Variants in FRRS1 observed in about 807,000 individuals in gnomAD.
FRRS1 encodes ferric reductase 1.
In FRRS1, 51 loss-of-function variants were observed where a neutral mutation model predicts 70.7. That is an observed-to-expected ratio of 0.72 (90% CI 0.58 to 0.91). The LOEUF (loss-of-function observed/expected upper bound fraction) is 0.91, where lower values mean the gene tolerates loss of function less well. Ranked by LOEUF, FRRS1 falls within the 40% of genes least tolerant of loss-of-function variation. The pLI is 0.00. For synonymous variants in FRRS1, 225 were observed against 238.7 expected, an observed-to-expected ratio of 0.94 and a Z score of 0.53; for missense variants, 672 against 726.0, an observed-to-expected ratio of 0.93 and a Z score of 0.86.
Position 99,706,669 on chromosome 1 carries a change from G to C in FRRS1, c.*2359C>G, listed in dbSNP as rs186418244. 1.1e-3 allele frequency among the ~76,000 whole-genome samples: 164 copies of C among 152,178 alleles called. 1 individual carries two copies. The highest frequency in any genetic ancestry group is 3.8e-3 in the African/African-American group (156 of 41,526). ...AGCACTTTGGGAGGCTGAGGCGGGT[G>C]GATTACTTTAGACCAGGAGTTTGGG... On this transcript the variant is annotated 3_prime_UTR_variant, in exon 17 of 17. Transcript: ENST00000646001.
intron 12 of FRRS1, among the ~76,000 whole-genome samples, chr1:99,714,384 A>G (rs1654418729): frequency 3.9e-5 from 6 of 152,088 alleles, no homozygotes; most frequent in Admixed American, 2.6e-4. Flanking sequence ...GGGTTTCACA[A>G]TATCAGTCAG....
At chr1:99,737,697 G>T (rs537789922) in intron 7 of FRRS1, among the ~76,000 whole-genome samples, 71 of 152,216 alleles carry the variant, frequency 4.7e-4, no homozygotes, top group African/African-American at 1.6e-3. Context: ...ATTTGACCCT[G>T]GAACAAACAG....
chr1:99,743,923 C>G (rs746221754), intron 4 of FRRS1, among the ~76,000 whole-genome samples: 2 of 152,010 alleles, frequency 1.3e-5, no homozygotes, highest in Non-Finnish European at 2.9e-5. Flanking sequence ...ACTAGTGATG[C>G]GGTAAGAGTT....
At chr1:99,725,063 C>G (rs765894288) in intron 9 of FRRS1, among the ~76,000 whole-genome samples, 1 of 152,152 alleles carries the variant, frequency 6.6e-6, no homozygotes, top group Non-Finnish European at 1.5e-5. Flanking sequence ...GATGAAACTG[C>G]TCCACCTTAG....
chr1:99,753,214 G>A (rs1266125699), intron 1 of FRRS1, among the ~76,000 whole-genome samples: 5 of 107,432 alleles, frequency 4.7e-5, no homozygotes, highest in Non-Finnish European at 6.8e-5. Context: ...CCTCTGTCTC[G>A]ATTTAAAAAA....
At chr1:99,721,482 G>A (rs1426435160) in intron 9 of FRRS1, among the ~76,000 whole-genome samples, 1 of 151,602 alleles carries the variant, frequency 6.6e-6, no homozygotes, top group Non-Finnish European at 1.5e-5. Flanking sequence ...CTTTAAATCA[G>A]CCCCCAAAAA....
rs374635279 is a variant in FRRS1, at chr1:99,747,318, T to C, written c.309A>G (p.Gln103=). The C allele has an allele frequency of 2.5e-5, 41 of 1,613,712 alleles. 1 individual carries two copies. The highest frequency in any genetic ancestry group is 2.0e-4 in the African/African-American group (15 of 74,908). The part of the protein sequence containing the change: ...SFTLIDSEVS[Q]LLTCEDIQGS... The stretch of plus-strand genomic sequence containing the variant: ...CCTGTATATCTTCACAGGTCAAAAG[T>C]TGTGACACTTCACTGTCAATCAATG... The change falls in exon 4 of 17, where the codon CAA becomes CAG. Residue 103 remains glutamine, a synonymous_variant. Transcript: ENST00000646001.
intron 10 of FRRS1, among the ~76,000 whole-genome samples, chr1:99,719,070 CA>C (rs57652002): frequency 0.14 from 20,693 of 147,118 alleles, 2,571 homozygotes; most frequent in African/African-American, 0.34. Context: ...ACAGCTGTGT[CA>C]AAAAAAAAAA....
intron 1 of FRRS1, among the ~76,000 whole-genome samples, chr1:99,757,614 C>G (rs1387691509): frequency 6.6e-6 from 1 of 152,138 alleles, no homozygotes; most frequent in Non-Finnish European, 1.5e-5. Context: ...ATCCTTAAGT[C>G]ACTTGGAAGC....
Position 99,704,764 on chromosome 1 carries a change from G to C in FRRS1, c.*4264C>G, listed in dbSNP as rs565831757. Among the ~76,000 whole-genome samples, 6 of 152,276 alleles carry C rather than the reference G, an allele frequency of 3.9e-5. No individual in the cohort carries two copies. The East Asian group carries it at 1.2e-3, about 30-fold the overall frequency. ...CACGCCAGAGGAAGAGCACACGACA[G>C]ATCCCAGCATGCCGACAGGCCACGA... is the stretch of plus-strand genomic sequence containing the variant. On this transcript the variant is annotated 3_prime_UTR_variant, in exon 17 of 17. Coordinates refer to ENST00000646001, the MANE Select transcript of FRRS1 (RefSeq NM_001361041.2).
chr1:99,729,555 G>T, intron 8 of FRRS1, 95 bp downstream of exon 8: 1 of 743,336 alleles, frequency 1.3e-6, no homozygotes, highest in Non-Finnish European at 2.4e-6. Flanking sequence ...AACTGTGGGG[G>T]TTGGAGGCAA....
intron 1 of FRRS1, among the ~76,000 whole-genome samples, chr1:99,749,996 A>G (rs1310198786): frequency 6.6e-6 from 1 of 152,246 alleles, no homozygotes; most frequent in Non-Finnish European, 1.5e-5. Context: ...CATAGACAAT[A>G]GCAGCCTTAG....
intron 6 of FRRS1, among the ~76,000 whole-genome samples, chr1:99,738,782 C>T (rs1053627562): frequency 2.6e-5 from 4 of 152,054 alleles, no homozygotes; most frequent in Non-Finnish European, 4.4e-5. Flanking sequence ...ATTCAAATTT[C>T]GTACTAAAAT....
chr1:99,747,979 A>G (rs1028988234), intron 3 of FRRS1: 6 of 152,798 alleles, frequency 3.9e-5, no homozygotes, highest in African/African-American at 1.4e-4. Flanking sequence ...AAAAAAAGAA[A>G]AACACTGGAT....
In FRRS1 at chr1:99,742,287, G is replaced by C; in HGVS notation, c.334-14C>G. 6.6e-7 allele frequency: 1 copy of C among 1,519,064 alleles called. No homozygotes were observed. Among genetic ancestry groups the C allele is most frequent in the Non-Finnish European group, 9.1e-7 (1 of 1,094,170 alleles). The allele number at this position is 1,519,064 out of a possible 1,614,324, so 94.1% of individuals were successfully genotyped here. ...CACTGCTGATCCCTGAAATAAAAGG[G>C]AAAAGAGCTACCATTCAGTCACTCA... On this transcript the variant is annotated splice_polypyrimidine_tract_variant and intron_variant, in intron 4 of 16. Transcript: ENST00000646001.
rs754347415 is a variant in FRRS1, at chr1:99,747,401, A to G, written c.226T>C (p.Phe76Leu). The G allele has an allele frequency of 1.1e-5, 18 of 1,613,544 alleles. No individual in the cohort carries two copies. Among genetic ancestry groups the G allele is most frequent in the Non-Finnish European group, 1.4e-5 (17 of 1,179,738 alleles). ...TCAGCATTACGCGCTTCTAGGAGAA[A>G]GCCTTTAAATGGATGCCCTGACAAA... is the stretch of plus-strand genomic sequence containing the variant. ...VTLSGHPFKG[F>L]LLEARNAEDL... is the part of the protein sequence containing the mutation. Residue 76 changes from phenylalanine to leucine, a missense_variant, in exon 4 of 17, where the codon TTT becomes CTT. By Grantham distance (22) the Phe-to-Leu change is conservative (BLOSUM62 0). Coordinates refer to ENST00000646001, the MANE Select transcript of FRRS1 (RefSeq NM_001361041.2).
At chr1:99,756,240 G>T (rs1369906173) in intron 1 of FRRS1, among the ~76,000 whole-genome samples, 1 of 152,030 alleles carries the variant, frequency 6.6e-6, no homozygotes, top group Non-Finnish European at 1.5e-5. Flanking sequence ...AAACAAAAAA[G>T]ATTTATTTTG....
chr1:99,742,135 T>A, intron 5 of FRRS1, 44 bp downstream of exon 5: 1 of 1,234,622 alleles, frequency 8.1e-7, no homozygotes, highest in Non-Finnish European at 1.2e-6. Flanking sequence ...ATTATAGGCA[T>A]GAGCCACCAT....
intron 6 of FRRS1, among the ~76,000 whole-genome samples, chr1:99,740,055 A>G (rs929866041): frequency 6.6e-6 from 1 of 152,228 alleles, no homozygotes; most frequent in African/African-American, 2.4e-5. Flanking sequence ...TGATGAATTT[A>G]CAAGACATTT....
Sources: gnomAD v4.1 joint callset for allele counts (sites outside exome capture counted in the v4.1 genomes callset) on GRCh38, gnomAD v4.1.1 for gene constraint, MANE v1.5 for transcripts, NCBI Gene and HGNC (gene_info 2026-07-23, HGNC 2026-07-21) for gene names.